The following PCDHGA7 variants were observed in gnomAD, a reference collection of about 807,000 sequenced individuals.
PCDHGA7 encodes the protein protocadherin gamma-A7.
In PCDHGA7, 44 loss-of-function variants were observed where a neutral mutation model predicts 58.3. That is an observed-to-expected ratio of 0.75 (90% CI 0.59 to 0.97). The LOEUF (loss-of-function observed/expected upper bound fraction) is 0.97. Among genes scored for constraint, PCDHGA7 ranks in the 50% least tolerant of loss-of-function variants. The pLI is 0.00. For synonymous variants in PCDHGA7, 516 were observed against 504.2 expected (o/e 1.02, Z -0.31); for missense variants, 1,266 against 1,188.7 (o/e 1.06, Z -0.96).
At chr5:141,394,910 C>T in intron 1 of PCDHGA7, 1 of 1,613,766 alleles carries the variant, frequency 6.2e-7, no homozygotes. Context: ...CAGTGGCTGC[C>T]ATCTCCTGTG....
Position 141,431,614 on chromosome 5 carries a change from C to G in PCDHGA7, c.2424+46291C>G. ...TGAGGTATTCCTTCCGGTATGTGGACGACAAGGCGGCCCAAGTTTTCAAAC... is the reference window on the plus strand; with the variant it reads ...TGAGGTATTCCTTCCGGTATGTGGAGGACAAGGCGGCCCAAGTTTTCAAAC... On this transcript the variant is annotated intron_variant, in intron 1 of 3. Coordinates refer to ENST00000518325, the MANE Select transcript of PCDHGA7 (RefSeq NM_018920.4). This position sits in a 1 kb window ranked among gnomAD's most constrained non-coding sequence, Gnocchi z 4.8. 6.2e-7 allele frequency: 1 copy of G among 1,614,206 alleles called. No homozygotes were observed. The highest frequency in any genetic ancestry group is 1.1e-5 in the South Asian group (1 of 91,092).
rs148240637 is a variant in PCDHGA7, at chr5:141,383,750, T to A, written c.851T>A (p.Ile284Lys). Residue 284 changes from isoleucine to lysine, a missense_variant, in exon 1 of 4, where the codon ATA (isoleucine) becomes AAA (lysine). Physicochemically the swap from Ile to Lys is moderately radical, Grantham distance 102. Transcript: ENST00000518325. ...GAAGTGACATATTCTTTTCGGAAAA[T>A]AACTCCTAAACTTCCAAAGATGTTT... The part of the protein sequence containing the change: ...NGEVTYSFRK[I>K]TPKLPKMFHL... 1.9e-3 allele frequency: 3,008 copies of A among 1,613,910 alleles called. 48 individuals are homozygous for A. In the African/African-American group the frequency reaches 0.033, roughly 18 times the overall value.
chr5:141,393,366 G>A (rs998330932), intron 1 of PCDHGA7: 1 of 1,613,874 alleles, frequency 6.2e-7, no homozygotes, highest in African/African-American at 1.3e-5. Context: ...CGTGCAGACT[G>A]GAGACAATGG....
chr5:141,395,327 AAAT>A (rs760723981), intron 1 of PCDHGA7: 2 of 1,469,018 alleles, frequency 1.4e-6, no homozygotes, highest in Non-Finnish European at 1.8e-6. Flanking sequence ...AGATAGTTGA[AAAT>A]AATTTTTAAG....
At chr5:141,412,948 G>A in intron 1 of PCDHGA7, 1 of 468,334 alleles carries the variant, frequency 2.1e-6, no homozygotes, top group Non-Finnish European at 3.7e-6. Context: ...TCTGAGCGCC[G>A]CTGTTCACCT....
intron 1 of PCDHGA7, chr5:141,419,330 C>G (rs2096361200): frequency 1.9e-6 from 3 of 1,613,958 alleles, no homozygotes; most frequent in Non-Finnish European, 2.5e-6. Context: ...CTCCTACTCT[C>G]TCATTGCCAG....
chr5:141,433,262 T>C (rs2097580507), intron 1 of PCDHGA7: 1 of 1,339,318 alleles, frequency 7.5e-7, no homozygotes, highest in Non-Finnish European at 1.0e-6. Context: ...GGTACGATCA[T>C]AGCTCACTGC....
At chr5:141,463,518 G>C (rs537466389) in intron 1 of PCDHGA7, among the ~76,000 whole-genome samples, 1 of 139,068 alleles carries the variant, frequency 7.2e-6, no homozygotes, top group African/African-American at 2.8e-5. Context: ...GCGTGATCTC[G>C]GCTTACTAGA....
rs114740440 is a variant in PCDHGA7 at position 141,426,595 on chromosome 5, C to T, written c.2424+41272C>T. The T allele has an allele frequency of 4.0e-3, 1,518 of 375,912 alleles. 5 individuals carry two copies. Among genetic ancestry groups the T allele is most frequent in the Non-Finnish European group, 5.9e-3 (1,105 of 185,722 alleles). 23.3% of individuals were successfully genotyped at this position (375,912 alleles called of 1,614,324 possible). ...GTCTTCAAAATCCTCTGTGTCATAC[C>T]CTTAGAGATTGTAGCAGAGAATCCT... On this transcript the variant is annotated intron_variant, in intron 1 of 3. Coordinates refer to ENST00000518325, the MANE Select transcript of PCDHGA7 (RefSeq NM_018920.4).
At chr5:141,462,062 A>T (rs957948334) in intron 1 of PCDHGA7, among the ~76,000 whole-genome samples, 3 of 152,168 alleles carry the variant, frequency 2.0e-5, no homozygotes, top group African/African-American at 2.4e-5. Context: ...ACCTCAGGTG[A>T]TCTGCCCGCC....
Position 141,487,082 on chromosome 5 carries a change from G to A in PCDHGA7, c.2425-7725G>A, listed in dbSNP as rs2099639361. On this transcript the variant is annotated intron_variant, in intron 1 of 3. Transcript: ENST00000518325. The surrounding 1 kb of genome is among the most constrained non-coding windows in gnomAD (Gnocchi z 5.0). Reference sequence around the variant, plus strand: ...GCGGACGGCTGTTCCTATCCCAGCTGACCTCCCACCACAGAAGCTGGTCAT... The same window carrying A: ...GCGGACGGCTGTTCCTATCCCAGCTAACCTCCCACCACAGAAGCTGGTCAT... The A allele has an allele frequency of 8.1e-6, 13 of 1,614,056 alleles. No individual in the cohort carries two copies. The highest frequency in any genetic ancestry group is 1.1e-5 in the Non-Finnish European group (13 of 1,179,938).
chr5:141,416,791 G>A (rs1389798483), intron 1 of PCDHGA7: 2 of 152,166 alleles, frequency 1.3e-5, no homozygotes, highest in South Asian at 2.1e-4. Context: ...TCTACTAAAT[G>A]TGGTAGTATA....
chr5:141,501,290 TACACACACAC>T (rs55762287), intron 2 of PCDHGA7, among the ~76,000 whole-genome samples: 44 of 136,248 alleles, frequency 3.2e-4, no homozygotes, highest in Admixed American at 7.8e-4. Context: ...TATTCCCTTA[TACACACACAC>T]ACACACACAC....
chr5:141,500,680 T>C (rs999167635), intron 2 of PCDHGA7, among the ~76,000 whole-genome samples: 7 of 152,224 alleles, frequency 4.6e-5, no homozygotes, highest in Non-Finnish European at 7.3e-5. Context: ...AACAGAATTA[T>C]AGCTTTTTTC....
intron 1 of PCDHGA7, chr5:141,400,547 C>T (rs534226736): frequency 2.5e-6 from 4 of 1,613,676 alleles, no homozygotes; most frequent in Non-Finnish European, 3.4e-6. Context: ...TATGTCTATT[C>T]TTTTTCATTA....
chr5:141,399,814 C>T, intron 1 of PCDHGA7: 2 of 1,613,238 alleles, frequency 1.2e-6, no homozygotes, highest in Non-Finnish European at 1.7e-6. Context: ...GTACCCCGCG[C>T]TGGGTCCCGA....
chr5:141,408,338 G>C, intron 1 of PCDHGA7: 1 of 1,613,958 alleles, frequency 6.2e-7, no homozygotes, highest in Non-Finnish European at 8.5e-7. Context: ...CAAGGGCTCG[G>C]TGGTGGGGAA....
Position 141,382,935 on chromosome 5 carries a change from A to C in PCDHGA7, c.36A>C (p.Gly12=). The change falls in exon 1 of 4, where the codon GGA becomes GGC. Residue 12 remains glycine (G), a synonymous_variant. Transcript: ENST00000518325. ...AAQPRGGDYR[G]FFLLSILLGT... ...AGCCGAGGGGCGGGGACTACAGAGG[A>C]TTCTTCCTGCTCTCCATCCTCCTGG... 1 of 1,589,148 alleles carries C rather than the reference A, an allele frequency of 6.3e-7. No homozygotes were observed. The highest frequency in any genetic ancestry group is 8.6e-7 in the Non-Finnish European group (1 of 1,165,490).
rs2099068970 is a variant in PCDHGA7 at position 141,463,759 on chromosome 5, T to C, written c.2425-31048T>C. 2.0e-5 allele frequency among the ~76,000 whole-genome samples: 3 copies of C among 152,234 alleles called. No homozygotes were observed. The South Asian group carries it at 6.2e-4, about 32-fold the overall frequency. ...CCGCGCCCGGCCTGCTTCTCTTCTCTTATGGGTTAGAATCCTGCACTGTCT... is the reference window on the plus strand; with the variant it reads ...CCGCGCCCGGCCTGCTTCTCTTCTCCTATGGGTTAGAATCCTGCACTGTCT... On this transcript the variant is annotated intron_variant, in intron 1 of 3. Transcript: ENST00000518325.
Sources: allele counts gnomAD v4.1 joint callset (sites outside exome capture counted in the v4.1 genomes callset), GRCh38; gene constraint gnomAD v4.1.1; non-coding constraint Gnocchi (gnomAD v3.1); transcripts MANE v1.5; gene names NCBI Gene and HGNC (gene_info 2026-07-23, HGNC 2026-07-21).